The following POSTN variants were observed in gnomAD, a reference collection of about 807,000 sequenced individuals.
The protein encoded by POSTN is periostin.
POSTN carries 71 observed loss-of-function variants against 104.5 expected under a neutral mutation model. That is an observed-to-expected ratio of 0.68 (90% confidence interval 0.56 to 0.83). The LOEUF is 0.83. Among genes scored for constraint, POSTN ranks in the 40% least tolerant of loss-of-function variants. The probability of loss-of-function intolerance (pLI) is 0.00; values close to 1 mark genes in which losing one functional copy is unlikely to be tolerated. For synonymous variants in POSTN, 355 were observed against 340.7 expected (o/e 1.04, Z -0.46); for missense variants, 949 against 1,006.8 (o/e 0.94, Z 0.78).
chr13:37,588,817 G>A lies in POSTN; in HGVS notation c.442-831C>T, dbSNP rs772686797. On this transcript the variant is annotated intron_variant, in intron 4 of 22. Coordinates refer to ENST00000379747, the MANE Select transcript of POSTN (RefSeq NM_006475.3). ...CGTGGATAACTTTAATGCCCTAAGA[G>A]GAGTGAAATAAACTGGCCATAAGGA... Among the ~76,000 whole-genome samples the A allele has an allele frequency of 1.1e-3, 173 of 152,270 alleles. 1 individual carries two copies. Among genetic ancestry groups the A allele is most frequent in the Non-Finnish European group, 1.6e-3 (106 of 68,022 alleles).
rs749424056 is a variant in POSTN at position 37,569,728 on chromosome 13, TC to T, written c.2347+15del. 15 of 1,545,324 alleles carry T rather than the reference TC, an allele frequency of 9.7e-6. No individual in the cohort carries two copies. Among genetic ancestry groups the T allele is most frequent in the Non-Finnish European group, 1.3e-5 (15 of 1,119,452 alleles). ...CTTAGGTAAAGTCACATTCTTATTTTCCTAGAAATGCTGACCTTCTTGTAAC... is the reference window on the plus strand; with the variant it reads ...CTTAGGTAAAGTCACATTCTTATTTTCTAGAAATGCTGACCTTCTTGTAAC... On this transcript the variant is annotated intron_variant, in intron 20 of 22. Coordinates refer to ENST00000379747, the MANE Select transcript of POSTN (RefSeq NM_006475.3).
chr13:37,578,443 G>A (rs566040027), intron 15 of POSTN, among the ~76,000 whole-genome samples: 59 of 152,132 alleles, frequency 3.9e-4, no homozygotes, highest in African/African-American at 1.2e-3. Flanking sequence ...TTATTAATGC[G>A]TACATTTCTA....
intron 18 of POSTN, 31 bp from the exon 19 acceptor site, chr13:37,570,700 T>A: frequency 4.5e-6 from 6 of 1,332,142 alleles, no homozygotes; most frequent in South Asian, 1.2e-5. Flanking sequence ...ATGCATTTGA[T>A]TTACCCTCAT....
intron 19 of POSTN, among the ~76,000 whole-genome samples, chr13:37,570,154 T>G (rs957068815): frequency 6.6e-6 from 1 of 151,870 alleles, no homozygotes; most frequent in Non-Finnish European, 1.5e-5. Context: ...AAGTCTGATA[T>G]GAGGTTTACT....
Position 37,579,012 on chromosome 13 carries a change from T to A in POSTN, c.1894+7A>T, listed in dbSNP as rs1346223190. The A allele has an allele frequency of 6.2e-7, 1 of 1,611,922 alleles. No individual in the cohort carries two copies. Among genetic ancestry groups the A allele is most frequent in the Non-Finnish European group, 8.5e-7 (1 of 1,179,152 alleles). ...TTAGCCTATCAATGAGTTCAATAAT[T>A]ACAAACCTGCTGGATAGAGGAGTTT... On this transcript the variant is annotated splice_region_variant and intron_variant, in intron 14 of 22. Transcript: ENST00000379747.
At chr13:37,567,017 A>G (rs1399780551) in intron 21 of POSTN, among the ~76,000 whole-genome samples, 1 of 151,234 alleles carries the variant, frequency 6.6e-6, no homozygotes, top group Non-Finnish European at 1.5e-5. Flanking sequence ...CGGGCGGATC[A>G]CGAGGTCAGG....
intron 1 of POSTN, 35 bp downstream of exon 1, chr13:37,598,573 G>T (rs1319335639): frequency 1.9e-6 from 3 of 1,586,442 alleles, no homozygotes; most frequent in Non-Finnish European, 2.6e-6. Context: ...TGAGGAAAAA[G>T]AAAAATGGTT....
At chr13:37,593,268 AC>A (rs1012285371) in intron 2 of POSTN, among the ~76,000 whole-genome samples, 1 of 149,580 alleles carries the variant, frequency 6.7e-6, no homozygotes, top group African/African-American at 2.4e-5. Flanking sequence ...ATAATTGCTT[AC>A]AAAATAAAAA....
At chr13:37,587,059 A>G in intron 5 of POSTN, 131 bp from the exon 6 acceptor site, 1 of 738,318 alleles carries the variant, frequency 1.4e-6, no homozygotes, top group Non-Finnish European at 2.2e-6. Context: ...TGTAAATGTA[A>G]ACGCTGTGGA....
At chr13:37,578,984 G>C (rs776486421) in intron 14 of POSTN, 35 bp downstream of exon 14, 1 of 1,602,480 alleles carries the variant, frequency 6.2e-7, no homozygotes, top group South Asian at 1.1e-5. Flanking sequence ...ATTAAAAAAA[G>C]ACTTAGCCTA....
At chr13:37,583,932 T>C in intron 9 of POSTN, 37 bp downstream of exon 9, 1 of 1,580,670 alleles carries the variant, frequency 6.3e-7, no homozygotes, top group Non-Finnish European at 8.6e-7. Flanking sequence ...AAAAGGTGTG[T>C]AGGCAGAGAG....
Position 37,587,952 on chromosome 13 carries a change from A to G in POSTN, c.476T>C (p.Val159Ala). 6.2e-7 allele frequency: 1 copy of G among 1,604,758 alleles called. No individual in the cohort carries two copies. Among genetic ancestry groups the G allele is most frequent in the Non-Finnish European group, 8.5e-7 (1 of 1,172,886 alleles). ...IRRGLESNVN[V>A]ELLNALHSHM... ...ACTATGTAAAGCATTCAGTAATTCA[A>G]CATTCACGTTGCTCTCCAAACCTCT... The change falls in exon 5 of 23, where the codon GTT becomes GCT. Residue 159 changes from valine (V) to alanine (A), a missense_variant. By Grantham distance (64) the Val-to-Ala change is moderately conservative. Coordinates refer to ENST00000379747, the MANE Select transcript of POSTN (RefSeq NM_006475.3).
Position 37,587,960 on chromosome 13 carries a change from G to C in POSTN, c.468C>G (p.Asn156Lys). Residue 156 changes from asparagine (N) to lysine (K), a missense_variant, in exon 5 of 23, where the codon AAC becomes AAG. Transcript: ENST00000379747. ...DSDIRRGLES[N>K]VNVELLNALH... Reference sequence around the variant, plus strand: ...AAGCATTCAGTAATTCAACATTCACGTTGCTCTCCAAACCTCTACGGATAT... The same window carrying C: ...AAGCATTCAGTAATTCAACATTCACCTTGCTCTCCAAACCTCTACGGATAT... 1 of 1,603,830 alleles carries C rather than the reference G, an allele frequency of 6.2e-7. No individual in the cohort carries two copies. Among genetic ancestry groups the C allele is most frequent in the South Asian group, 1.1e-5 (1 of 90,174 alleles).
rs1289251507 is a variant in POSTN, at chr13:37,567,231, G to A, written c.2431+2069C>T. Among the ~76,000 whole-genome samples, 25 of 14,914 alleles carry A rather than the reference G, an allele frequency of 1.7e-3. No individual in the cohort carries two copies. The East Asian group carries it at 0.12, about 69-fold the overall frequency. 9.8% of individuals were successfully genotyped at this position (14,914 alleles called of 152,430 possible). A position where few individuals can be genotyped will look rare whatever the true frequency, so the allele number is the denominator to read the frequency against. ...AGCCTGGGCGACAGAGCGAGACTCCGTCTCAAAAAAAAAAAAAAAAAATGT... is the reference window on the plus strand; with the variant it reads ...AGCCTGGGCGACAGAGCGAGACTCCATCTCAAAAAAAAAAAAAAAAAATGT... On this transcript the variant is annotated intron_variant, in intron 21 of 22. Coordinates refer to ENST00000379747, the MANE Select transcript of POSTN (RefSeq NM_006475.3).
chr13:37,596,327 C>T (rs1463373095), intron 2 of POSTN, among the ~76,000 whole-genome samples: 1 of 152,050 alleles, frequency 6.6e-6, no homozygotes, highest in Non-Finnish European at 1.5e-5. Flanking sequence ...ACACCTAAAC[C>T]TTTCTGATTG....
At chr13:37,569,188 CTTTT>C in intron 21 of POSTN, 108 bp downstream of exon 21, 2 of 567,956 alleles carry the variant, frequency 3.5e-6, no homozygotes, top group East Asian at 3.6e-5. Context: ...TGGATGTTGT[CTTTT>C]TTTTTTTTAA....
chr13:37,565,728 T>C (rs764085298), intron 21 of POSTN, among the ~76,000 whole-genome samples: 1 of 152,122 alleles, frequency 6.6e-6, no homozygotes, highest in Non-Finnish European at 1.5e-5. Flanking sequence ...AAAATCTCAC[T>C]ATGTTGGATA....
intron 9 of POSTN, among the ~76,000 whole-genome samples, chr13:37,582,885 T>C (rs1160239335): frequency 6.6e-6 from 1 of 152,188 alleles, no homozygotes; most frequent in Non-Finnish European, 1.5e-5. Context: ...GATGAATCCT[T>C]TGTAAATTAA....
At chr13:37,584,189 T>G (rs1249868732) in intron 8 of POSTN, 86 bp from the exon 9 acceptor site, 5 of 1,506,252 alleles carry the variant, frequency 3.3e-6, no homozygotes, top group Non-Finnish European at 3.6e-6. Flanking sequence ...CCTGACTCTT[T>G]TCTAATATTG....
Sources: allele counts gnomAD v4.1 joint callset (sites outside exome capture counted in the v4.1 genomes callset), GRCh38; gene constraint gnomAD v4.1.1; transcripts MANE v1.5; gene names NCBI Gene and HGNC (gene_info 2026-07-23, HGNC 2026-07-21).